The following RLF variants were observed in gnomAD, a reference collection of about 807,000 sequenced individuals.
The protein encoded by RLF is zinc finger protein Rlf.
In RLF, 7 loss-of-function variants were observed where a neutral mutation model predicts 162.9. That is an observed-to-expected ratio of 0.04 (90% CI 0.02 to 0.08). The LOEUF (loss-of-function observed/expected upper bound fraction) is 0.08, where lower values mean the gene tolerates loss of function less well. Ranked by LOEUF, RLF falls within the 10% of genes least tolerant of loss-of-function variation. The probability of loss-of-function intolerance (pLI) is 1.00; values close to 1 mark genes in which losing one functional copy is unlikely to be tolerated. For synonymous variants in RLF, 782 were observed against 791.5 expected (o/e 0.99, Z 0.20); for missense variants, 1,664 against 2,244.7 (o/e 0.74, Z 5.23).
chr1:40,198,780 A>G (rs1642672325), intron 4 of RLF, among the ~76,000 whole-genome samples: 1 of 151,900 alleles, frequency 6.6e-6, no homozygotes, highest in South Asian at 2.1e-4. Flanking sequence ...GTATAAAACT[A>G]AAAAAAAATT....
chr1:40,221,855 G>C (rs1397788724), intron 5 of RLF, among the ~76,000 whole-genome samples: 1 of 137,414 alleles, frequency 7.3e-6, no homozygotes, highest in Non-Finnish European at 1.5e-5. Flanking sequence ...AGCTGAGATC[G>C]CGCCACTGCA....
intron 5 of RLF, among the ~76,000 whole-genome samples, chr1:40,211,558 T>C (rs897719215): frequency 2.6e-5 from 4 of 152,244 alleles, no homozygotes; most frequent in East Asian, 3.8e-4. Context: ...CATAAAGTTA[T>C]CTTAAAATTA....
chr1:40,202,375 T>C, intron 4 of RLF, 37 bp from the exon 5 acceptor site: 4 of 1,313,400 alleles, frequency 3.0e-6, no homozygotes, highest in Non-Finnish European at 4.3e-6. Context: ...TGTTATGTGG[T>C]ATGTTGTCAA....
At position 40,239,436 on chromosome 1, in the gene RLF, T is replaced by C. The variant is rs1371098926; in HGVS notation, c.4734T>C (p.Ser1578=). Residue 1578 remains serine, a synonymous_variant, in exon 8 of 8, where the codon AGT becomes AGC. Transcript: ENST00000372771. The stretch of plus-strand genomic sequence containing the variant: ...ACAAACGCACTCATCAGATGAGTAG[T>C]GCCTATTTAGAGCAACAGATGGAGA... The part of the protein sequence containing the change: ...RHYKRTHQMS[S]AYLEQQMENL... 1 of 1,613,886 alleles carries C rather than the reference T, an allele frequency of 6.2e-7. No homozygotes were observed. The highest frequency in any genetic ancestry group is 1.3e-5 in the African/African-American group (1 of 74,932).
rs761816149 is a variant in RLF at position 40,235,055 on chromosome 1, A to ATTTT, written c.1090-717_1090-714dup. ...AATCCAAGTGTTCATGATAGAGAGA[A>ATTTT]TTTTTTTTTTTTTTTTTTTTTTTGA... On this transcript the variant is annotated intron_variant, in intron 7 of 7. Coordinates refer to ENST00000372771, the MANE Select transcript of RLF (RefSeq NM_012421.4). 9.7e-3 allele frequency among the ~76,000 whole-genome samples: 1,025 copies of ATTTT among 105,406 alleles called. 22 individuals are homozygous for ATTTT. The highest frequency in any genetic ancestry group is 0.029 in the South Asian group (89 of 3,036). The allele number at this position is 105,406 out of a possible 152,430, so 69.2% of individuals were successfully genotyped here.
chr1:40,240,419 C>T lies in RLF; in HGVS notation c.5717C>T (p.Thr1906Ile). The T allele has an allele frequency of 6.2e-7, 1 of 1,613,764 alleles. No homozygotes were observed. The highest frequency in any genetic ancestry group is 8.5e-7 in the Non-Finnish European group (1 of 1,179,858). The change falls in exon 8 of 8, where the codon ACA (threonine) becomes ATA (isoleucine). Residue 1906 changes from threonine (T) to isoleucine (I), a missense_variant. Thr to Ile is a moderately conservative substitution (Grantham distance 89). Around this residue, in one of 15 missense-constraint regions of RLF, gnomAD observed 27 missense variants for 52.5 expected, o/e 0.51. Coordinates refer to ENST00000372771, the MANE Select transcript of RLF (RefSeq NM_012421.4). Reference protein sequence around the residue: ...PILDLFPTKKTDELCVGSS With the variant: ...PILDLFPTKKIDELCVGSS ...TTAGACTTATTTCCAACAAAAAAGA[C>T]AGATGAGCTTTGTGTAGGAAGTTCA...
Position 40,236,750 on chromosome 1 carries a change from A to G in RLF, c.2048A>G (p.Lys683Arg). Residue 683 changes from lysine to arginine, a missense_variant, in exon 8 of 8, where the codon AAG (lysine) becomes AGG (arginine). Coordinates refer to ENST00000372771, the MANE Select transcript of RLF (RefSeq NM_012421.4). This position sits in a 1 kb window ranked among gnomAD's most constrained non-coding sequence, Gnocchi z 7.7. ...CPGTDCSRVFKQFKYLSVHLK... is the reference protein window; with the variant it reads ...CPGTDCSRVFRQFKYLSVHLK... ...GGTACAGACTGTTCCCGTGTGTTTA[A>G]GCAATTTAAATACTTAAGTGTGCAT... 6.2e-7 allele frequency: 1 copy of G among 1,614,144 alleles called. No homozygotes were observed. Among genetic ancestry groups the G allele is most frequent in the Non-Finnish European group, 8.5e-7 (1 of 1,180,006 alleles).
At chr1:40,233,857 A>G (rs1184028635) in intron 7 of RLF, among the ~76,000 whole-genome samples, 1 of 150,942 alleles carries the variant, frequency 6.6e-6, no homozygotes, top group Non-Finnish European at 1.5e-5. Context: ...AGTTTTAAAG[A>G]AAAAAAAGTT....
chr1:40,227,504 CAT>C (rs1316900786), intron 6 of RLF, among the ~76,000 whole-genome samples: 3 of 152,176 alleles, frequency 2.0e-5, no homozygotes, highest in Non-Finnish European at 4.4e-5. Flanking sequence ...TCATGAGTAA[CAT>C]ACTGGCTGTC....
intron 6 of RLF, among the ~76,000 whole-genome samples, chr1:40,229,448 C>CTTTTTTTTTTTTT (rs1005418216): frequency 1.3e-4 from 12 of 90,980 alleles, no homozygotes; most frequent in East Asian, 3.1e-4. Flanking sequence ...ATTCATTTAT[C>CTTTTTTTTTTTTT]TTTTTTTTTT....
intron 5 of RLF, among the ~76,000 whole-genome samples, chr1:40,215,260 TAAAC>T (rs1642910816): frequency 6.6e-6 from 1 of 152,130 alleles, no homozygotes; most frequent in South Asian, 2.1e-4. Context: ...ATGGAAGACT[TAAAC>T]AATACTGTAA....
At chr1:40,186,289 A>G (rs2124533725) in intron 1 of RLF, among the ~76,000 whole-genome samples, 1 of 152,310 alleles carries the variant, frequency 6.6e-6, no homozygotes, top group African/African-American at 2.4e-5. Context: ...AATTTAAAAA[A>G]AAAGTGATAA....
chr1:40,209,857 G>A (rs1269163772), intron 5 of RLF, among the ~76,000 whole-genome samples: 4 of 149,402 alleles, frequency 2.7e-5, no homozygotes, highest in South Asian at 4.2e-4. Context: ...GAGCTGGGGC[G>A]ACAGGGCGAG....
At chr1:40,187,572 C>T (rs1465727263) in intron 1 of RLF, among the ~76,000 whole-genome samples, 1 of 151,914 alleles carries the variant, frequency 6.6e-6, no homozygotes. Context: ...TTGAGTAGGT[C>T]GGTATACTAA....
chr1:40,213,549 T>C (rs1213314194), intron 5 of RLF, among the ~76,000 whole-genome samples: 3 of 152,214 alleles, frequency 2.0e-5, no homozygotes, highest in Non-Finnish European at 2.9e-5. Flanking sequence ...TCCCAGGTAA[T>C]GTCTTTGAAG....
At chr1:40,230,272 C>G (rs2124559021) in intron 6 of RLF, among the ~76,000 whole-genome samples, 1 of 152,238 alleles carries the variant, frequency 6.6e-6, no homozygotes, top group South Asian at 2.1e-4. Flanking sequence ...GGGAGACAGT[C>G]TGTGTTAATA....
intron 1 of RLF, among the ~76,000 whole-genome samples, chr1:40,178,632 G>GTT (rs57391266): frequency 0.067 from 5,918 of 88,322 alleles, 551 homozygotes; most frequent in African/African-American, 0.22. Context: ...TTTTTTTTTT[G>GTT]TTTTTTTTTT....
At chr1:40,186,248 C>T (rs934010846) in intron 1 of RLF, among the ~76,000 whole-genome samples, 1 of 151,926 alleles carries the variant, frequency 6.6e-6, no homozygotes, top group African/African-American at 2.4e-5. Flanking sequence ...GTGGGAGGAT[C>T]ACCAGCAGTG....
At chr1:40,201,170 G>A in intron 4 of RLF, among the ~76,000 whole-genome samples, 1 of 145,312 alleles carries the variant, frequency 6.9e-6, no homozygotes, top group South Asian at 2.2e-4. Flanking sequence ...AGCTCCCTAG[G>A]TGATCTAGGC....
Sources: allele counts gnomAD v4.1 joint callset (sites outside exome capture counted in the v4.1 genomes callset), GRCh38; gene constraint gnomAD v4.1.1; regional missense constraint gnomAD v4.1.1; non-coding constraint Gnocchi (gnomAD v3.1); transcripts MANE v1.5; gene names NCBI Gene and HGNC (gene_info 2026-07-23, HGNC 2026-07-21).